The following FBP1 variants were observed in gnomAD, a reference collection of about 807,000 sequenced individuals.
FBP1 encodes the protein fructose-1,6-bisphosphatase 1.
In FBP1, 22 loss-of-function variants were observed where a neutral mutation model predicts 29.9. The ratio of observed to expected loss-of-function variants is 0.74; its 90% CI spans 0.53 to 1.05. The LOEUF (loss-of-function observed/expected upper bound fraction) is 1.05. Ranked by LOEUF, FBP1 falls within the 50% of genes least tolerant of loss-of-function variation. The pLI is 0.00. For missense variants in FBP1, 345 were observed against 448.2 expected (o/e 0.77, Z 2.08); for synonymous variants, 175 against 178.6 (o/e 0.98, Z 0.16).
intron 1 of FBP1, among the ~76,000 whole-genome samples, chr9:94,630,883 A>G (rs1828095548): frequency 6.6e-6 from 1 of 151,726 alleles, no homozygotes; most frequent in Admixed American, 6.6e-5. Flanking sequence ...GGTTCATAGT[A>G]CTCCCCACCA....
chr9:94,638,444 G>C (rs1221812588), intron 1 of FBP1, among the ~76,000 whole-genome samples: 1 of 152,162 alleles, frequency 6.6e-6, no homozygotes, highest in Non-Finnish European at 1.5e-5. Flanking sequence ...CCACTAATTG[G>C]GCAGAGGCTG....
At chr9:94,635,768 C>G (rs1828183343) in intron 1 of FBP1, among the ~76,000 whole-genome samples, 1 of 152,126 alleles carries the variant, frequency 6.6e-6, no homozygotes, top group Non-Finnish European at 1.5e-5. Flanking sequence ...CACTGTAATA[C>G]CCAAAGGCTA....
At chr9:94,613,021 C>T (rs1296087640) in intron 3 of FBP1, among the ~76,000 whole-genome samples, 1 of 152,178 alleles carries the variant, frequency 6.6e-6, no homozygotes, top group Non-Finnish European at 1.5e-5. Context: ...GGCACTGGCT[C>T]CATGTCATCA....
In FBP1 at chr9:94,639,134, G is replaced by A. The variant is rs775805059; in HGVS notation, c.170+7C>T. 1.3e-5 allele frequency: 21 copies of A among 1,593,220 alleles called. No homozygotes were observed. Among genetic ancestry groups the A allele is most frequent in the Non-Finnish European group, 1.7e-5 (20 of 1,170,948 alleles). ...GGACGGGGCCCACCGCCCAAGGCCC[G>A]ACTCACAGGTGCGCGATGCCCGCCT... On this transcript the variant is annotated splice_region_variant and intron_variant, in intron 1 of 6. Coordinates refer to ENST00000375326, the MANE Select transcript of FBP1 (RefSeq NM_000507.4).
Position 94,617,876 on chromosome 9 carries a change from A to G in FBP1, c.334-16T>C, listed in dbSNP as rs1319313053. The G allele has an allele frequency of 1.9e-6, 3 of 1,572,686 alleles. No individual in the cohort carries two copies. Among genetic ancestry groups the G allele is most frequent in the African/African-American group, 1.3e-5 (1 of 74,122 alleles). ...CATATTTACCCTGAGCACAGAAAAA[A>G]GAAATACAACCTTAAAATGTTATAG... On this transcript the variant is annotated splice_polypyrimidine_tract_variant and intron_variant, in intron 2 of 6. Transcript: ENST00000375326.
intron 2 of FBP1, among the ~76,000 whole-genome samples, chr9:94,618,310 T>C (rs566873613): frequency 1.3e-5 from 2 of 151,624 alleles, no homozygotes; most frequent in South Asian, 2.1e-4. Context: ...CCCCTTGAGG[T>C]TGGGGTGCAT....
Position 94,617,834 on chromosome 9 carries a change from G to C in FBP1, c.360C>G (p.Pro120=), listed in dbSNP as rs762358121. The change falls in exon 3 of 7, where the codon CCC becomes CCG. Residue 120 remains proline, a synonymous_variant. Coordinates refer to ENST00000375326, the MANE Select transcript of FBP1 (RefSeq NM_000507.4). ...KRGKYVVCFD[P]LDGSSNIDCL... is the part of the protein sequence containing the mutation. ...AATCGATGTTGGAAGATCCATCAAG[G>C]GGATCAAAACAGACCACATATTTAC... The C allele has an allele frequency of 6.8e-6, 11 of 1,613,678 alleles. No homozygotes were observed. Among genetic ancestry groups the C allele is most frequent in the Non-Finnish European group, 9.3e-6 (11 of 1,179,752 alleles).
intron 1 of FBP1, among the ~76,000 whole-genome samples, chr9:94,620,704 G>C (rs750748175): frequency 2.6e-5 from 4 of 152,176 alleles, no homozygotes; most frequent in Non-Finnish European, 4.4e-5. Context: ...ATAAATGGGA[G>C]TTGAACAATG....
intron 1 of FBP1, among the ~76,000 whole-genome samples, chr9:94,628,301 G>T (rs1480453944): frequency 6.6e-6 from 1 of 151,142 alleles, no homozygotes; most frequent in Non-Finnish European, 1.5e-5. Flanking sequence ...CACAAGAATT[G>T]CTTGAACCCA....
Position 94,624,727 on chromosome 9 carries a change from T to A in FBP1, c.171-4236A>T, listed in dbSNP as rs542852522. Among the ~76,000 whole-genome samples the A allele has an allele frequency of 2.6e-5, 4 of 152,288 alleles. No homozygotes were observed. The South Asian group carries it at 8.3e-4, about 32-fold the overall frequency. ...GAAGCCCAAATAAGTCAGCTAGTAA[T>A]GACTCCAGAGAAGAGCTGTTTGTTA... is the stretch of plus-strand genomic sequence containing the variant. On this transcript the variant is annotated intron_variant, in intron 1 of 6. Transcript: ENST00000375326.
chr9:94,624,337 CAAAA>C (rs10717568), intron 1 of FBP1, among the ~76,000 whole-genome samples: 6 of 90,276 alleles, frequency 6.6e-5, no homozygotes, highest in Non-Finnish European at 4.3e-5. Flanking sequence ...GACTCCATCT[CAAAA>C]AAAAAAAAAA....
chr9:94,618,933 A>G (rs1272960786), intron 2 of FBP1, among the ~76,000 whole-genome samples: 3 of 152,202 alleles, frequency 2.0e-5, no homozygotes, highest in Non-Finnish European at 4.4e-5. Context: ...TTACCAGCAC[A>G]TCACTGGGAG....
At chr9:94,619,926 A>ACTCCAATGCGTGCATCAGGGATG (rs1467061463) in intron 2 of FBP1, among the ~76,000 whole-genome samples, 2 of 148,532 alleles carry the variant, frequency 1.3e-5, no homozygotes, top group African/African-American at 5.0e-5. Context: ...ACCAATAGGG[A>ACTCCAATGCGTGCATCAGGGATG]CTCCAATGCG....
intron 1 of FBP1, among the ~76,000 whole-genome samples, chr9:94,621,616 A>G (rs1434949433): frequency 6.6e-6 from 1 of 152,012 alleles, no homozygotes; most frequent in Non-Finnish European, 1.5e-5. Context: ...TTTTTCCTCA[A>G]CCATACTCCC....
intron 4 of FBP1, among the ~76,000 whole-genome samples, chr9:94,607,540 G>T (rs1202346874): frequency 6.6e-6 from 1 of 152,200 alleles, no homozygotes; most frequent in African/African-American, 2.4e-5. Flanking sequence ...TTTGCTCGCT[G>T]GCGTGTGAAG....
intron 4 of FBP1, among the ~76,000 whole-genome samples, chr9:94,609,029 C>T (rs1262579726): frequency 7.9e-5 from 12 of 151,964 alleles, no homozygotes; most frequent in African/African-American, 2.7e-4. Flanking sequence ...GGCGAAACCC[C>T]GTCTCTACTA....
chr9:94,624,440 G>A (rs1827994772), intron 1 of FBP1, among the ~76,000 whole-genome samples: 1 of 151,998 alleles, frequency 6.6e-6, no homozygotes, highest in African/African-American at 2.4e-5. Context: ...ATCCCCTGAG[G>A]TCAGAAAATT....
At chr9:94,605,295 C>T (rs556788660) in intron 6 of FBP1, among the ~76,000 whole-genome samples, 162 bp downstream of exon 6, 5 of 152,190 alleles carry the variant, frequency 3.3e-5, no homozygotes, top group African/African-American at 4.8e-5. Context: ...TAGTTGATAT[C>T]GTCTGGCTTT....
intron 2 of FBP1, among the ~76,000 whole-genome samples, chr9:94,618,315 G>A (rs7867069): frequency 0.085 from 12,877 of 151,752 alleles, 662 homozygotes; most frequent in East Asian, 0.22. Context: ...TGAGGTTGGG[G>A]TGCATAGAGT....
Sources: allele counts gnomAD v4.1 joint callset (sites outside exome capture counted in the v4.1 genomes callset), GRCh38; gene constraint gnomAD v4.1.1; transcripts MANE v1.5; gene names NCBI Gene and HGNC (gene_info 2026-07-23, HGNC 2026-07-21).